Variants in KLF6 observed in about 807,000 individuals in gnomAD.
KLF6 encodes KLF transcription factor 6.
For missense variants in KLF6, 233 were observed against 359.8 expected (o/e 0.65, Z 2.85); for synonymous variants, 152 against 147.9 (o/e 1.03, Z -0.20).
intron 1 of KLF6, among the ~76,000 whole-genome samples, chr10:3,784,386 G>T (rs940089380): frequency 6.6e-6 from 1 of 152,064 alleles, no homozygotes; most frequent in African/African-American, 2.4e-5. Context: ...AAGCAGGGAA[G>T]ACAAATAAGG....
chr10:3,784,720 G>C (rs992899827), intron 1 of KLF6, among the ~76,000 whole-genome samples, 193 bp downstream of exon 1: 1 of 152,220 alleles, frequency 6.6e-6, no homozygotes, highest in Non-Finnish European at 1.5e-5. Flanking sequence ...GCTGTGCCGG[G>C]AGTTGGGGCT....
At position 3,781,212 on chromosome 10, in the gene KLF6, G is replaced by A; in HGVS notation, c.676+429C>T. 2.3e-6 allele frequency: 1 copy of A among 427,748 alleles called. No individual in the cohort carries two copies. The highest frequency in any genetic ancestry group is 4.1e-6 in the Non-Finnish European group (1 of 241,672). The allele number at this position is 427,748 out of a possible 1,614,324, so 26.5% of individuals were successfully genotyped here. On this transcript the variant is annotated intron_variant, in intron 2 of 3. Transcript: ENST00000497571. The surrounding 1 kb of genome is among the most constrained non-coding windows in gnomAD (Gnocchi z 5.8). ...GTCCCACTCGGGCCTCGGGCCGTCAGCATCAAACCCACACACTCCACGCTG... is the reference window on the plus strand; with the variant it reads ...GTCCCACTCGGGCCTCGGGCCGTCAACATCAAACCCACACACTCCACGCTG...
rs542676563 is a variant in KLF6 at position 3,781,734 on chromosome 10, C to A, written c.583G>T (p.Gly195Cys). The change falls in exon 2 of 4, where the codon GGC becomes TGC. Residue 195 changes from glycine to cysteine, a missense_variant. Gly to Cys is a radical substitution (Grantham distance 159, BLOSUM62 -3). Coordinates refer to ENST00000497571, the MANE Select transcript of KLF6 (RefSeq NM_001300.6). This position sits in a 1 kb window ranked among gnomAD's most constrained non-coding sequence, Gnocchi z 5.8. ...TGGCACCGGTGCACCCTCCTCCTGCCGTCGGGGGAGGCATCGCCATTTCCC... is the reference window on the plus strand; with the variant it reads ...TGGCACCGGTGCACCCTCCTCCTGCAGTCGGGGGAGGCATCGCCATTTCCC... ...DKGNGDASPDGRRRVHRCHFN... is the reference protein window; with the variant it reads ...DKGNGDASPDCRRRVHRCHFN... 1 of 1,614,104 alleles carries A rather than the reference C, an allele frequency of 6.2e-7. No homozygotes were observed. Among genetic ancestry groups the A allele is most frequent in the African/African-American group, 1.3e-5 (1 of 74,934 alleles).
chr10:3,776,932 C>CTT lies in KLF6; in HGVS notation c.*2605_*2606dup, dbSNP rs751886217. On this transcript the variant is annotated 3_prime_UTR_variant, in exon 4 of 4. Transcript: ENST00000497571. Reference sequence around the variant, plus strand: ...AAGCCAGTGCAAGTTTTTTTTTTTCCTTTTTTTTTTTTTGTCTTTTGCTTA... The same window carrying CTT: ...AAGCCAGTGCAAGTTTTTTTTTTTCCTTTTTTTTTTTTTTTGTCTTTTGCTTA... The CTT allele has an allele frequency of 1.3e-3, 531 of 416,936 alleles. No individual in the cohort carries two copies. The highest frequency in any genetic ancestry group is 3.3e-3 in the South Asian group (162 of 49,646). The allele number at this position is 416,936 out of a possible 1,614,324, so 25.8% of individuals were successfully genotyped here.
chr10:3,777,161 A>G lies in KLF6; in HGVS notation c.*2378T>C, dbSNP rs1159530698. The G allele has an allele frequency of 1.9e-6, 1 of 513,846 alleles. No individual in the cohort carries two copies. The highest frequency in any genetic ancestry group is 3.8e-6 in the Non-Finnish European group (1 of 263,658). 31.8% of individuals were successfully genotyped at this position (513,846 alleles called of 1,614,324 possible). ...AAAACCAGTTATGTGAGCGTTAGTC[A>G]CTGCTCATTTCCAGGAAGATCAAAC... On this transcript the variant is annotated 3_prime_UTR_variant, in exon 4 of 4. Transcript: ENST00000497571.
Position 3,780,210 on chromosome 10 carries a change from G to A in KLF6, c.696C>T (p.Cys232=). The A allele has an allele frequency of 6.2e-7, 1 of 1,614,084 alleles. No homozygotes were observed. The highest frequency in any genetic ancestry group is 2.2e-5 in the East Asian group (1 of 44,886). The change falls in exon 3 of 4, where the codon TGC becomes TGT. Residue 232 remains cysteine, a synonymous_variant. Coordinates refer to ENST00000497571, the MANE Select transcript of KLF6 (RefSeq NM_001300.6). This position sits in a 1 kb window ranked among gnomAD's most constrained non-coding sequence, Gnocchi z 4.6. ...AACGCCACTCACACCCTTCCCATGA[G>A]CATCTGTAAGGCTTTTCTCCTGGGG... The part of the protein sequence containing the change: ...RTHTGEKPYR[C]SWEGCEWRFA...
chr10:3,780,926 C>G lies in KLF6; in HGVS notation c.677-697G>C, dbSNP rs1832503355. On this transcript the variant is annotated intron_variant, in intron 2 of 3. Transcript: ENST00000497571. This position sits in a 1 kb window ranked among gnomAD's most constrained non-coding sequence, Gnocchi z 4.6. The stretch of plus-strand genomic sequence containing the variant: ...TCACCAAGCCTGTCTGGGACTGACT[C>G]TCAGCAATTTGCTCTCCTACTGATA... 6.2e-6 allele frequency: 1 copy of G among 160,768 alleles called. No homozygotes were observed. The highest frequency in any genetic ancestry group is 1.6e-4 in the South Asian group (1 of 6,448). The allele number at this position is 160,768 out of a possible 1,614,324, so 10.0% of individuals were successfully genotyped here. A position where few individuals can be genotyped will look rare whatever the true frequency, so the allele number is the denominator to read the frequency against.
Position 3,777,194 on chromosome 10 carries a change from C to G in KLF6, c.*2345G>C, listed in dbSNP as rs1341183131. 1.9e-6 allele frequency: 1 copy of G among 515,582 alleles called. No homozygotes were observed. Among genetic ancestry groups the G allele is most frequent in the Non-Finnish European group, 3.8e-6 (1 of 264,748 alleles). The allele number at this position is 515,582 out of a possible 1,614,324, so 31.9% of individuals were successfully genotyped here. On this transcript the variant is annotated 3_prime_UTR_variant, in exon 4 of 4. Coordinates refer to ENST00000497571, the MANE Select transcript of KLF6 (RefSeq NM_001300.6). ...TTTCCAGGAAGATCAAACAAAATAC[C>G]AGCCCAGCCAGACTCACATGTGTGT...
chr10:3,776,779 G>C lies in KLF6; in HGVS notation c.*2760C>G. On this transcript the variant is annotated 3_prime_UTR_variant, in exon 4 of 4. Coordinates refer to ENST00000497571, the MANE Select transcript of KLF6 (RefSeq NM_001300.6). ...AGCAAAAAGTTTCTGCTTGATTGAG[G>C]CTCAGTTATCACCTGAACAGAATGT... is the stretch of plus-strand genomic sequence containing the variant. 1 of 504,770 alleles carries C rather than the reference G, an allele frequency of 2.0e-6. No homozygotes were observed. Among genetic ancestry groups the C allele is most frequent in the Non-Finnish European group, 3.8e-6 (1 of 263,182 alleles). 31.3% of individuals were successfully genotyped at this position (504,770 alleles called of 1,614,324 possible). A position where few individuals can be genotyped will look rare whatever the true frequency, so the allele number is the denominator to read the frequency against.
In KLF6 at chr10:3,781,296, A is replaced by C; in HGVS notation, c.676+345T>G. On this transcript the variant is annotated intron_variant, in intron 2 of 3. Transcript: ENST00000497571. The surrounding 1 kb of genome is among the most constrained non-coding windows in gnomAD (Gnocchi z 5.8). ...ATTTAGGAAACCCCAGGGCCGCTCG[A>C]GGTAGCCTCGTGCGAGTGCACTGGT... The C allele has an allele frequency of 1.2e-6, 1 of 869,208 alleles. No homozygotes were observed. Among genetic ancestry groups the C allele is most frequent in the South Asian group, 1.9e-5 (1 of 53,408 alleles). The allele number at this position is 869,208 out of a possible 1,614,324, so 53.8% of individuals were successfully genotyped here.
In KLF6 at chr10:3,779,084, C is replaced by G. The variant is rs1293755298; in HGVS notation, c.*455G>C. 1 of 535,920 alleles carries G rather than the reference C, an allele frequency of 1.9e-6. No individual in the cohort carries two copies. The highest frequency in any genetic ancestry group is 3.6e-6 in the Non-Finnish European group (1 of 277,296). The allele number at this position is 535,920 out of a possible 1,614,324, so 33.2% of individuals were successfully genotyped here. On this transcript the variant is annotated 3_prime_UTR_variant, in exon 4 of 4. Transcript: ENST00000497571. Reference sequence around the variant, plus strand: ...TTTTTTTCTAAGGTGCAGACACCCCCTCCCCCCAAGGAAATGATTGGTGGT... The same window carrying G: ...TTTTTTTCTAAGGTGCAGACACCCCGTCCCCCCAAGGAAATGATTGGTGGT...
rs1139591 is a variant in KLF6, at chr10:3,779,034, T to C, written c.*505A>G. On this transcript the variant is annotated 3_prime_UTR_variant, in exon 4 of 4. Coordinates refer to ENST00000497571, the MANE Select transcript of KLF6 (RefSeq NM_001300.6). ...GATTTTCCTTCTTTTTTTGTTTTTG[T>C]TTTTTTGTTTTTTTGATTTTTCTTT... 3 of 527,388 alleles carry C rather than the reference T, an allele frequency of 5.7e-6. No individual in the cohort carries two copies. The Admixed American group carries it at 6.9e-5, about 12-fold the overall frequency. The allele number at this position is 527,388 out of a possible 1,614,324, so 32.7% of individuals were successfully genotyped here.
Sources: allele counts gnomAD v4.1 joint callset (sites outside exome capture counted in the v4.1 genomes callset), GRCh38; gene constraint gnomAD v4.1.1; non-coding constraint Gnocchi (gnomAD v3.1); transcripts MANE v1.5; gene names NCBI Gene and HGNC (gene_info 2026-07-23, HGNC 2026-07-21).